Variants in TEX11 observed in about 807,000 individuals in gnomAD.
The protein encoded by TEX11 is testis expressed 11.
A neutral mutation model predicts 84.4 loss-of-function variants in TEX11; 7 were observed. The observed-to-expected ratio is 0.08, with a 90% CI of 0.05 to 0.16. The LOEUF (loss-of-function observed/expected upper bound fraction) is 0.16. TEX11 is among the 10% of genes least tolerant of loss of function. TEX11 has a pLI of 1.00. For missense variants in TEX11, 551 were observed against 660.5 expected, an observed-to-expected ratio of 0.83 and a Z score of 1.82; for synonymous variants, 264 against 222.8, an observed-to-expected ratio of 1.18 and a Z score of -1.64.
chrX:70,730,757 T>C (rs2090641592), intron 11 of TEX11, among the ~76,000 whole-genome samples: 1 of 111,265 alleles, frequency 9.0e-6, no homozygotes, highest in East Asian at 2.8e-4. Context: ...GACAGAAAGT[T>C]AACAAGGATA....
intron 7 of TEX11, among the ~76,000 whole-genome samples, chrX:70,844,750 A>AT (rs963692884): frequency 9.0e-6 from 1 of 111,048 alleles, no homozygotes; most frequent in African/African-American, 3.3e-5. Flanking sequence ...GGAAACCCCC[A>AT]TCTCTACTAG....
At chrX:70,691,580 A>G (rs2090235259) in intron 13 of TEX11, among the ~76,000 whole-genome samples, 1 of 111,579 alleles carries the variant, frequency 9.0e-6, no homozygotes, top group Admixed American at 9.6e-5. Context: ...CAAATACTAC[A>G]TGATCTCACT....
Position 70,629,620 on chromosome X carries a change from A to C in TEX11, c.1599T>G (p.Phe533Leu), listed in dbSNP as rs2089486487. The change falls in exon 18 of 30, where the codon TTT becomes TTG. Residue 533 changes from phenylalanine (F) to leucine (L), a missense_variant. Transcript: ENST00000374333. ...AATACATATGAATTACCTCTAGAGC[A>C]AACTGGGCAGCTAAACTTAGAAGCA... ...PTMLLSLAAQ[F>L]ALENGQQIVA... is the part of the protein sequence containing the mutation. 5.8e-6 allele frequency: 7 copies of C among 1,210,157 alleles called. No individual in the cohort carries two copies. The highest frequency in any genetic ancestry group is 6.7e-6 in the Non-Finnish European group (6 of 894,718).
downstream of TEX11, among the ~76,000 whole-genome samples, chrX:70,525,710 T>C (rs1469412913): frequency 2.7e-5 from 3 of 112,191 alleles, no homozygotes; most frequent in Non-Finnish European, 5.6e-5. Flanking sequence ...TTAATCAAAT[T>C]ATTCCACAAA....
intron 9 of TEX11, among the ~76,000 whole-genome samples, chrX:70,769,687 G>T (rs1268955171): frequency 9.0e-6 from 1 of 111,487 alleles, no homozygotes; most frequent in African/African-American, 3.3e-5. Flanking sequence ...AGGTCCTGAG[G>T]CTCTTCTGGT....
At chrX:70,571,150 C>T (rs771688169) in intron 25 of TEX11, among the ~76,000 whole-genome samples, 1 of 111,052 alleles carries the variant, frequency 9.0e-6, no homozygotes, top group Non-Finnish European at 1.9e-5. Flanking sequence ...TCCCCAGTAG[C>T]TGTGATTACA....
rs1425208283 is a variant in TEX11 at position 70,585,544 on chromosome X, T to A, written c.2140+6207A>T. Among the ~76,000 whole-genome samples, 3 of 111,897 alleles carry A rather than the reference T, an allele frequency of 2.7e-5. No homozygotes were observed. In the East Asian group the frequency reaches 8.4e-4, roughly 31 times the overall value. ...ATGGAATTGTAAGGTGCCCCAATAG[T>A]TCAAAATGAATCTTGAAAAATAACA... On this transcript the variant is annotated intron_variant, in intron 25 of 29. Coordinates refer to ENST00000374333, the MANE Select transcript of TEX11 (RefSeq NM_031276.3).
rs900007489 is a variant in TEX11, at chrX:70,747,253, C to G, written c.693-3034G>C. Among the ~76,000 whole-genome samples the G allele has an allele frequency of 3.6e-5, 4 of 112,010 alleles. No homozygotes were observed. In the Admixed American group the frequency reaches 3.8e-4, roughly 11 times the overall value. On this transcript the variant is annotated intron_variant, in intron 9 of 29. Coordinates refer to ENST00000374333, the MANE Select transcript of TEX11 (RefSeq NM_031276.3). ...ATCTAACTGGCTAAGTGAGCTTCAG[C>G]ACAACCTTTAGCCAGTAAGTGAACT...
At chrX:70,892,567 T>C (rs746419678) in intron 2 of TEX11, among the ~76,000 whole-genome samples, 12 of 110,390 alleles carry the variant, frequency 1.1e-4, no homozygotes, top group Non-Finnish European at 1.5e-4. Flanking sequence ...ACCCTGTCTC[T>C]ACTAAAAATA....
At chrX:70,742,953 A>C (rs1276916812) in intron 10 of TEX11, among the ~76,000 whole-genome samples, 1 of 111,296 alleles carries the variant, frequency 9.0e-6, no homozygotes, top group Non-Finnish European at 1.9e-5. Context: ...AAGTATATTC[A>C]CACTCTTGTG....
intron 25 of TEX11, among the ~76,000 whole-genome samples, chrX:70,567,495 T>A (rs1454516226): frequency 9.0e-6 from 1 of 111,234 alleles, no homozygotes. Flanking sequence ...AATTGTGATG[T>A]TAGGGTGTCA....
chrX:70,874,004 G>A (rs139261085), intron 3 of TEX11, among the ~76,000 whole-genome samples: 1 of 111,377 alleles, frequency 9.0e-6, no homozygotes, highest in African/African-American at 3.3e-5. Context: ...TTGTCTTGGT[G>A]CTGTCCTCAC....
chrX:70,839,878 A>T (rs987665559), intron 7 of TEX11, among the ~76,000 whole-genome samples: 2 of 111,859 alleles, frequency 1.8e-5, no homozygotes, highest in African/African-American at 3.2e-5. Context: ...CAACTGGAAG[A>T]AAGGGTATCA....
At chrX:70,588,005 T>C (rs907174991) in intron 25 of TEX11, among the ~76,000 whole-genome samples, 1 of 112,541 alleles carries the variant, frequency 8.9e-6, no homozygotes, top group Non-Finnish European at 1.9e-5. Context: ...AGCCCCTTTG[T>C]TTTGGCCAAT....
At chrX:70,901,693 C>T (rs928355938) in intron 2 of TEX11, among the ~76,000 whole-genome samples, 1 of 111,831 alleles carries the variant, frequency 8.9e-6, no homozygotes, top group Non-Finnish European at 1.9e-5. Flanking sequence ...GGGCTCATCT[C>T]CTGCTGTGCA....
the TEX11 span, among the ~76,000 whole-genome samples, chrX:70,511,752 CAA>C: frequency 6.8e-3 from 221 of 32,631 alleles, no homozygotes; most frequent in African/African-American, 0.017. Context: ...GACTCCATCT[CAA>C]AAAAAAAAAA....
At chrX:70,582,642 G>C (rs2147482324) in intron 25 of TEX11, among the ~76,000 whole-genome samples, 1 of 111,207 alleles carries the variant, frequency 9.0e-6, no homozygotes, top group African/African-American at 3.3e-5. Flanking sequence ...AAAGAACAAA[G>C]GTTCCTCACT....
chrX:70,757,058 C>G (rs1368488530), intron 9 of TEX11, among the ~76,000 whole-genome samples: 1 of 111,716 alleles, frequency 9.0e-6, no homozygotes, highest in African/African-American at 3.3e-5. Flanking sequence ...AGTGAGAAAA[C>G]AAAGTTAGAG....
intron 17 of TEX11, among the ~76,000 whole-genome samples, chrX:70,632,148 ATAT>A (rs1296271966): frequency 2.7e-5 from 3 of 110,226 alleles, no homozygotes; most frequent in Non-Finnish European, 3.8e-5. Context: ...AAAACATGAC[ATAT>A]CAAAATTTGT....
Sources: gnomAD v4.1 joint callset for allele counts (sites outside exome capture counted in the v4.1 genomes callset) on GRCh38, gnomAD v4.1.1 for gene constraint, MANE v1.5 for transcripts, NCBI Gene and HGNC (gene_info 2026-07-23, HGNC 2026-07-21) for gene names.